Variants in CIT observed in about 807,000 individuals in gnomAD.
The protein encoded by CIT is citron rho-interacting serine/threonine kinase.
A neutral mutation model predicts 272.7 loss-of-function variants in CIT; 79 were observed. The observed-to-expected ratio is 0.29, with a 90% CI of 0.24 to 0.35. The LOEUF (loss-of-function observed/expected upper bound fraction) is 0.35, where lower values mean the gene tolerates loss of function less well. CIT is among the 10% of genes least tolerant of loss of function. The pLI is 1.00. For missense variants in CIT, 1,909 were observed against 2,618.3 expected (o/e 0.73, Z 5.91); for synonymous variants, 948 against 995.6 (o/e 0.95, Z 0.90).
intron 46 of CIT, among the ~76,000 whole-genome samples, chr12:119,692,695 A>G (rs1956021956): frequency 6.6e-6 from 1 of 152,244 alleles, no homozygotes; most frequent in Non-Finnish European, 1.5e-5. Context: ...AAACCTGTGC[A>G]GAAAAAGTTT....
intron 20 of CIT, 25 bp from the exon 21 acceptor site, chr12:119,758,725 C>T: frequency 6.9e-7 from 1 of 1,448,552 alleles, no homozygotes; most frequent in Non-Finnish European, 9.7e-7. Flanking sequence ...ACCTATGAAA[C>T]TTCACACACC....
intron 10 of CIT, 80 bp from the exon 11 acceptor site, chr12:119,785,145 C>CAGATG: frequency 6.9e-7 from 1 of 1,456,880 alleles, no homozygotes; most frequent in Non-Finnish European, 9.3e-7. Flanking sequence ...ACATTTGTTT[C>CAGATG]ATTTTACAAA....
intron 5 of CIT, among the ~76,000 whole-genome samples, chr12:119,842,595 C>G (rs910187997): frequency 2.0e-5 from 3 of 151,958 alleles, no homozygotes; most frequent in African/African-American, 7.3e-5. Context: ...TATATAGAAC[C>G]AGACATTATG....
At position 119,701,886 on chromosome 12, in the gene CIT, A is replaced by C. The variant is rs550218744; in HGVS notation, c.5377T>G (p.Phe1793Val). The C allele has an allele frequency of 6.2e-7, 1 of 1,614,150 alleles. No homozygotes were observed. The highest frequency in any genetic ancestry group is 1.1e-5 in the South Asian group (1 of 91,082). Reference sequence around the variant, plus strand: ...TACTGCTTCATGTCGATTTCGTAGAATTTATTGGTTCCAATGAGGATACTG... The same window carrying C: ...TACTGCTTCATGTCGATTTCGTAGACTTTATTGGTTCCAATGAGGATACTG... ...NYSILIGTNKFYEIDMKQYTL... is the reference protein window; with the variant it reads ...NYSILIGTNKVYEIDMKQYTL... Residue 1793 changes from phenylalanine (F) to valine (V), a missense_variant, in exon 42 of 48, where the codon TTC becomes GTC. Phe to Val is a conservative substitution (Grantham distance 50). Around this residue, in one of 8 missense-constraint regions of CIT, gnomAD observed 780 missense variants for 1,067.2 expected, o/e 0.73. Transcript: ENST00000392521.
chr12:119,857,680 TCAGC>T lies in CIT; in HGVS notation c.253_256del (p.Ala85SerfsTer18), dbSNP rs1346433962. 1.9e-6 allele frequency: 3 copies of T among 1,613,846 alleles called. No homozygotes were observed. Among genetic ancestry groups the T allele is most frequent in the Non-Finnish European group, 2.5e-6 (3 of 1,179,982 alleles). ...TGCCGAAGGCTGGAGCTCCTGTAACTCAGCTATGGTGTCGGAATCTGCAAAAGAT... is the reference window on the plus strand; with the variant it reads ...TGCCGAAGGCTGGAGCTCCTGTAACTTATGGTGTCGGAATCTGCAAAAGAT... On this transcript the variant is annotated frameshift_variant, in exon 4 of 48. Transcript: ENST00000392521. LOFTEE classifies it high-confidence loss of function.
At chr12:119,852,532 G>A (rs1160121852) in intron 4 of CIT, among the ~76,000 whole-genome samples, 1 of 152,046 alleles carries the variant, frequency 6.6e-6, no homozygotes, top group Non-Finnish European at 1.5e-5. Flanking sequence ...TGGCCAACAT[G>A]ATGAAACCTC....
chr12:119,752,289 T>C, intron 22 of CIT, 42 bp from the exon 23 acceptor site: 1 of 1,543,414 alleles, frequency 6.5e-7, no homozygotes, highest in Non-Finnish European at 8.7e-7. Context: ...AAACCCTTGC[T>C]TGGTCTGAAC....
At chr12:119,708,072 A>C in intron 40 of CIT, 107 bp downstream of exon 40, 2 of 1,240,092 alleles carry the variant, frequency 1.6e-6, no homozygotes, top group Non-Finnish European at 2.2e-6. Context: ...TCTGTTTGTT[A>C]TTTAAGTTGA....
intron 44 of CIT, among the ~76,000 whole-genome samples, chr12:119,699,368 C>A (rs899680080): frequency 6.6e-6 from 1 of 151,800 alleles, no homozygotes; most frequent in South Asian, 2.1e-4. Flanking sequence ...GACAGTGTCA[C>A]TGAAACTAGA....
chr12:119,713,248 G>A lies in CIT; in HGVS notation c.4534C>T (p.Leu1512=), dbSNP rs1435780553. 6 of 1,613,978 alleles carry A rather than the reference G, an allele frequency of 3.7e-6. No individual in the cohort carries two copies. The highest frequency in any genetic ancestry group is 5.1e-6 in the Non-Finnish European group (6 of 1,179,980). The change falls in exon 35 of 48, where the codon CTG becomes TTG. Residue 1512 remains leucine (L), a synonymous_variant. Coordinates refer to ENST00000392521, the MANE Select transcript of CIT (RefSeq NM_001206999.2). This position sits in a 1 kb window ranked among gnomAD's most constrained non-coding sequence, Gnocchi z 5.2. ...QQGWDRKYIV[L]EGSKVLIYDN... is the part of the protein sequence containing the mutation. ...TAAATGAGGACTTTTGATCCCTCCA[G>A]GACAATGTACTTCCTGTCCCAGCCT...
chr12:119,728,144 A>G lies in CIT; in HGVS notation c.3591+358T>C. Among the ~76,000 whole-genome samples the G allele has an allele frequency of 6.6e-6, 1 of 152,212 alleles. No individual in the cohort carries two copies. The highest frequency in any genetic ancestry group is 1.5e-5 in the Non-Finnish European group (1 of 68,038). ...GGGGAGGGATGAACAGGCAGAGTAC[A>G]GAGGGTTTTTAGGGCAGTGAAACTA... On this transcript the variant is annotated intron_variant, in intron 28 of 47. Transcript: ENST00000392521. The surrounding 1 kb of genome is among the most constrained non-coding windows in gnomAD (Gnocchi z 4.3).
At position 119,712,048 on chromosome 12, in the gene CIT, A is replaced by G; in HGVS notation, c.4854+130T>C. 2 of 867,604 alleles carry G rather than the reference A, an allele frequency of 2.3e-6. No individual in the cohort carries two copies. The highest frequency in any genetic ancestry group is 4.7e-5 in the Admixed American group (2 of 42,448). 53.7% of individuals were successfully genotyped at this position (867,604 alleles called of 1,614,324 possible). A position where few individuals can be genotyped will look rare whatever the true frequency, so the allele number is the denominator to read the frequency against. On this transcript the variant is annotated intron_variant, in intron 37 of 47. Coordinates refer to ENST00000392521, the MANE Select transcript of CIT (RefSeq NM_001206999.2). This position sits in a 1 kb window ranked among gnomAD's most constrained non-coding sequence, Gnocchi z 5.2. The stretch of plus-strand genomic sequence containing the variant: ...CAGACTCCTGGCCATGACACAGTCT[A>G]GAGCCATCAGCCCTCAGAGAGAGAG...
At chr12:119,824,038 C>CA (rs33990395) in intron 8 of CIT, among the ~76,000 whole-genome samples, 3,036 of 50,672 alleles carry the variant, frequency 0.06, 531 homozygotes, top group East Asian at 0.15. Context: ...GACTCCATCT[C>CA]AAAAAAAAAA....
chr12:119,792,719 C>A (rs1373251120), intron 10 of CIT, among the ~76,000 whole-genome samples: 2 of 152,178 alleles, frequency 1.3e-5, no homozygotes, highest in Non-Finnish European at 2.9e-5. Flanking sequence ...ATGATCCACC[C>A]GCCTCGGCCT....
chr12:119,868,856 T>G (rs1375208905), intron 3 of CIT, among the ~76,000 whole-genome samples: 1 of 152,208 alleles, frequency 6.6e-6, no homozygotes, highest in Non-Finnish European at 1.5e-5. Flanking sequence ...GTCTTTGAAT[T>G]AAGTTTGTCG....
At chr12:119,752,002 C>G (rs761907452) in intron 23 of CIT, 48 bp downstream of exon 23, 2 of 1,540,282 alleles carry the variant, frequency 1.3e-6, no homozygotes, top group African/African-American at 2.7e-5. Flanking sequence ...CCACACTCAT[C>G]CTAGCTGAGG....
chr12:119,759,589 T>G (rs913992383), intron 20 of CIT, among the ~76,000 whole-genome samples: 1 of 151,946 alleles, frequency 6.6e-6, no homozygotes, highest in South Asian at 2.1e-4. Context: ...GAGGTTGCAG[T>G]GAGCCGATAT....
chr12:119,864,812 A>G (rs12303725), intron 3 of CIT, among the ~76,000 whole-genome samples: 9,442 of 152,280 alleles, frequency 0.062, 549 homozygotes, highest in African/African-American at 0.15. Flanking sequence ...AGTAATTAAG[A>G]AAGACAAAAA....
intron 10 of CIT, among the ~76,000 whole-genome samples, chr12:119,794,004 T>C (rs1433024563): frequency 6.6e-6 from 1 of 152,168 alleles, no homozygotes; most frequent in African/African-American, 2.4e-5. Flanking sequence ...TTAAAAGCTG[T>C]GTCACCTTGG....
Sources: allele counts gnomAD v4.1 joint callset (sites outside exome capture counted in the v4.1 genomes callset), GRCh38; gene constraint gnomAD v4.1.1; regional missense constraint gnomAD v4.1.1; non-coding constraint Gnocchi (gnomAD v3.1); transcripts MANE v1.5; gene names NCBI Gene and HGNC (gene_info 2026-07-23, HGNC 2026-07-21).